EPHB1: variants seen among roughly 807,000 people sequenced by gnomAD.
EPHB1 encodes EPH receptor B1.
Under a neutral mutation model 94.4 loss-of-function variants are expected in EPHB1, and 30 were observed. The ratio of observed to expected loss-of-function variants is 0.32; its 90% CI spans 0.24 to 0.43. EPHB1 has a LOEUF of 0.43. Ranked by LOEUF, EPHB1 falls within the 20% of genes least tolerant of loss-of-function variation. EPHB1 has a pLI of 1.00. For synonymous variants in EPHB1, 522 were observed against 489.1 expected, an observed-to-expected ratio of 1.07 and a Z score of -0.89; for missense variants, 1,055 against 1,308.3, an observed-to-expected ratio of 0.81 and a Z score of 2.99.
At chr3:134,829,615 G>A (rs560689113) in intron 1 of EPHB1, among the ~76,000 whole-genome samples, 125 of 152,194 alleles carry the variant, frequency 8.2e-4, no homozygotes, top group African/African-American at 2.8e-3. Context: ...AACAACTCCA[G>A]TATATTCTTA....
intron 3 of EPHB1, among the ~76,000 whole-genome samples, chr3:135,014,897 T>A (rs1276595920): frequency 6.6e-6 from 1 of 152,240 alleles, no homozygotes; most frequent in African/African-American, 2.4e-5. Context: ...TTTTGCTTTC[T>A]GGTTTTACTT....
chr3:135,120,569 T>C (rs1245450832), intron 4 of EPHB1, among the ~76,000 whole-genome samples: 1 of 152,214 alleles, frequency 6.6e-6, no homozygotes, highest in Non-Finnish European at 1.5e-5. Context: ...ACTGTGTCTA[T>C]GAAATGTCAA....
At chr3:135,221,510 C>T (rs1165817804) in intron 12 of EPHB1, among the ~76,000 whole-genome samples, 1 of 152,172 alleles carries the variant, frequency 6.6e-6, no homozygotes, top group Non-Finnish European at 1.5e-5. Context: ...TATCACATTT[C>T]CAATCATTTA....
chr3:135,204,972 CCTT>C (rs1559874235), intron 12 of EPHB1, among the ~76,000 whole-genome samples: 1 of 130,468 alleles, frequency 7.7e-6, no homozygotes, highest in East Asian at 2.6e-4. Flanking sequence ...TGGTAACCAT[CCTT>C]CTACTCTCTA....
At chr3:135,221,638 T>C (rs1576479057) in intron 12 of EPHB1, among the ~76,000 whole-genome samples, 1 of 152,154 alleles carries the variant, frequency 6.6e-6, no homozygotes, top group East Asian at 1.9e-4. Context: ...CCAGAAAACA[T>C]GATTTTAGTT....
At chr3:135,094,595 G>A (rs79328371) in intron 3 of EPHB1, among the ~76,000 whole-genome samples, 2,921 of 152,260 alleles carry the variant, frequency 0.019, 93 homozygotes, top group African/African-American at 0.067. Context: ...ACCTAAGAAA[G>A]GCAAGCACCT....
intron 3 of EPHB1, among the ~76,000 whole-genome samples, chr3:134,979,512 A>G (rs940169663): frequency 5.9e-5 from 9 of 152,234 alleles, no homozygotes; most frequent in Non-Finnish European, 1.3e-4. Flanking sequence ...ATTGACAGCA[A>G]CAGTGAGCGT....
intron 3 of EPHB1, among the ~76,000 whole-genome samples, chr3:135,018,392 C>T (rs1935874263): frequency 6.6e-6 from 1 of 152,148 alleles, no homozygotes; most frequent in Non-Finnish European, 1.5e-5. Flanking sequence ...CAGGAATTTG[C>T]TGATGCTGTC....
At chr3:135,006,250 G>A (rs2107746235) in intron 3 of EPHB1, among the ~76,000 whole-genome samples, 1 of 152,290 alleles carries the variant, frequency 6.6e-6, no homozygotes, top group Non-Finnish European at 1.5e-5. Context: ...GACAAATATT[G>A]TATGATTCCA....
At chr3:134,867,135 C>G (rs1202600407) in intron 1 of EPHB1, among the ~76,000 whole-genome samples, 1 of 152,154 alleles carries the variant, frequency 6.6e-6, no homozygotes, top group African/African-American at 2.4e-5. Flanking sequence ...TCTTTTTATA[C>G]TCTAGGTGTA....
At chr3:135,176,600 A>G (rs1251284408) in intron 9 of EPHB1, among the ~76,000 whole-genome samples, 2 of 152,178 alleles carry the variant, frequency 1.3e-5, no homozygotes, top group Non-Finnish European at 2.9e-5. Context: ...AGTAAAGTGC[A>G]CCCATCTTCA....
chr3:134,836,828 A>C (rs1458796425), intron 1 of EPHB1, among the ~76,000 whole-genome samples: 1 of 152,230 alleles, frequency 6.6e-6, no homozygotes, highest in African/African-American at 2.4e-5. Context: ...TGACCGGAAA[A>C]GAAATAGGAG....
chr3:135,122,456 A>G (rs1940008830), intron 4 of EPHB1, among the ~76,000 whole-genome samples: 1 of 152,118 alleles, frequency 6.6e-6, no homozygotes, highest in African/African-American at 2.4e-5. Context: ...GGGTGGCAGC[A>G]TATTGTACCT....
intron 15 of EPHB1, among the ~76,000 whole-genome samples, chr3:135,252,575 A>G (rs1175686748): frequency 6.7e-6 from 1 of 148,980 alleles, no homozygotes; most frequent in Non-Finnish European, 1.5e-5. Flanking sequence ...ATAGTATTCC[A>G]CGGTGTATGT....
At chr3:134,892,948 G>A (rs2038015439) in intron 1 of EPHB1, among the ~76,000 whole-genome samples, 1 of 152,124 alleles carries the variant, frequency 6.6e-6, no homozygotes, top group African/African-American at 2.4e-5. Context: ...CTCGGACTGG[G>A]TCAAGCCCCT....
intron 3 of EPHB1, among the ~76,000 whole-genome samples, chr3:135,084,477 A>G (rs1938273606): frequency 6.6e-6 from 1 of 152,182 alleles, no homozygotes; most frequent in African/African-American, 2.4e-5. Context: ...GTTGTGTCAT[A>G]TAGGTCCCTT....
At chr3:135,022,257 A>C (rs967368298) in intron 3 of EPHB1, among the ~76,000 whole-genome samples, 1 of 152,184 alleles carries the variant, frequency 6.6e-6, no homozygotes, top group African/African-American at 2.4e-5. Flanking sequence ...GGCGTGAGCC[A>C]CCGCGCCCGG....
At chr3:134,918,128 A>G (rs1226794531) in intron 1 of EPHB1, among the ~76,000 whole-genome samples, 3 of 152,232 alleles carry the variant, frequency 2.0e-5, no homozygotes, top group Non-Finnish European at 4.4e-5. Flanking sequence ...TACTTCGAAT[A>G]AACTCAGATA....
At chr3:134,947,005 C>CT (rs1419682030) in intron 2 of EPHB1, among the ~76,000 whole-genome samples, 8 of 152,198 alleles carry the variant, frequency 5.3e-5, no homozygotes, top group African/African-American at 1.7e-4. Context: ...CACCCCCGTG[C>CT]TTGGCTCCCT....
Sources: gnomAD v4.1 joint callset for allele counts (sites outside exome capture counted in the v4.1 genomes callset) on GRCh38, gnomAD v4.1.1 for gene constraint, MANE v1.5 for transcripts, NCBI Gene and HGNC (gene_info 2026-07-23, HGNC 2026-07-21) for gene names.